The following IGFBP7 variants were observed in gnomAD, a reference collection of about 807,000 sequenced individuals.
The protein encoded by IGFBP7 is insulin-like growth factor-binding protein 7.
IGFBP7 carries 31 observed loss-of-function variants against 29.4 expected under a neutral mutation model. That is an observed-to-expected ratio of 1.05 (90% CI 0.79 to 1.42). The LOEUF (loss-of-function observed/expected upper bound fraction) is 1.42. IGFBP7 is among the 40% of genes most tolerant of loss of function. IGFBP7 has a pLI of 0.00. For missense variants in IGFBP7, 393 were observed against 395.5 expected (o/e 0.99, Z 0.05); for synonymous variants, 172 against 174.9 (o/e 0.98, Z 0.13).
At position 57,033,297 on chromosome 4, in the gene IGFBP7, G is replaced by GT; in HGVS notation, c.599dup (p.His200GlnfsTer13). ...GGAGTTCTGTCCTTTGAACTCCATA[G>GT]TGACCCCTTTTTACCTGCAAAAACA... is the stretch of plus-strand genomic sequence containing the variant. On this transcript the variant is annotated frameshift_variant, in exon 3 of 5. Coordinates refer to ENST00000295666, the MANE Select transcript of IGFBP7 (RefSeq NM_001553.3). LOFTEE classifies it high-confidence loss of function. The GT allele has an allele frequency of 6.2e-7, 1 of 1,613,286 alleles. No individual in the cohort carries two copies. The highest frequency in any genetic ancestry group is 8.5e-7 in the Non-Finnish European group (1 of 1,179,236).
chr4:57,083,965 C>T (rs546104698), intron 1 of IGFBP7, among the ~76,000 whole-genome samples: 29 of 152,118 alleles, frequency 1.9e-4, no homozygotes, highest in Non-Finnish European at 4.0e-4. Flanking sequence ...CAAACTGACC[C>T]TAAAGTTTGG....
rs1398104979 is a variant in IGFBP7, at chr4:57,032,488, T to C, written c.767A>G (p.Gln256Arg). The C allele has an allele frequency of 6.2e-7, 1 of 1,614,052 alleles. No homozygotes were observed. The highest frequency in any genetic ancestry group is 8.5e-7 in the Non-Finnish European group (1 of 1,179,884). ...YECHASNSQG[Q>R]ASASAKITVV... ...TGTAATTTTTGCTGATGCTGAAGCC[T>C]GTCCTTGGGAATTGGATGCATGGCA... is the stretch of plus-strand genomic sequence containing the variant. Residue 256 changes from glutamine (Q) to arginine (R), a missense_variant, in exon 4 of 5, where the codon CAG becomes CGG. By Grantham distance (43) the Gln-to-Arg change is conservative. Transcript: ENST00000295666.
chr4:57,078,189 G>A (rs896162364), intron 1 of IGFBP7, among the ~76,000 whole-genome samples: 1 of 152,036 alleles, frequency 6.6e-6, no homozygotes, highest in African/African-American at 2.4e-5. Flanking sequence ...TGCTCACTAT[G>A]GGCATTCATA....
chr4:57,080,965 G>A (rs565652688), intron 1 of IGFBP7, among the ~76,000 whole-genome samples: 1 of 152,276 alleles, frequency 6.6e-6, no homozygotes, highest in South Asian at 2.1e-4. Context: ...CTTGGCCCTG[G>A]CCAATGTTCT....
At chr4:57,057,812 C>A (rs1341208896) in intron 1 of IGFBP7, among the ~76,000 whole-genome samples, 1 of 152,192 alleles carries the variant, frequency 6.6e-6, no homozygotes, top group African/African-American at 2.4e-5. Context: ...TGCTTGTCAA[C>A]AAAGGGGAAG....
chr4:57,109,162 A>G (rs11133484), intron 1 of IGFBP7, among the ~76,000 whole-genome samples: 70,939 of 152,052 alleles, frequency 0.47, 18,023 homozygotes, highest in Non-Finnish European at 0.59. Flanking sequence ...AGGGCTGTGC[A>G]CGGTGGTTTA....
At chr4:57,043,192 G>A (rs773653500) in intron 1 of IGFBP7, among the ~76,000 whole-genome samples, 4 of 152,194 alleles carry the variant, frequency 2.6e-5, no homozygotes, top group East Asian at 3.9e-4. Flanking sequence ...ACTTGGGACC[G>A]TCCGCAGAGG....
intron 1 of IGFBP7, among the ~76,000 whole-genome samples, chr4:57,063,141 C>T (rs2109767464): frequency 6.6e-6 from 1 of 152,156 alleles, no homozygotes; most frequent in Non-Finnish European, 1.5e-5. Context: ...TTTCCCACCC[C>T]TCCGTAGCTT....
chr4:57,034,329 T>G (rs935765114), intron 2 of IGFBP7, among the ~76,000 whole-genome samples: 1 of 152,048 alleles, frequency 6.6e-6, no homozygotes, highest in East Asian at 1.9e-4. Flanking sequence ...ACAAATATTT[T>G]AAGCCTTGTG....
In IGFBP7 at chr4:57,031,238, G is replaced by A. The variant is rs1723911140; in HGVS notation, c.*79C>T. 2.5e-6 allele frequency: 3 copies of A among 1,203,838 alleles called. No homozygotes were observed. In the South Asian group the frequency reaches 3.8e-5, roughly 15 times the overall value. 74.6% of individuals were successfully genotyped at this position (1,203,838 alleles called of 1,614,324 possible). A position where few individuals can be genotyped will look rare whatever the true frequency, so the allele number is the denominator to read the frequency against. On this transcript the variant is annotated 3_prime_UTR_variant, in exon 5 of 5. Coordinates refer to ENST00000295666, the MANE Select transcript of IGFBP7 (RefSeq NM_001553.3). ...AAAGTGTTAGTGGATTGGATTAAAA[G>A]AAACTTATTAGGCAAGAACAGGTAA...
At chr4:57,102,966 C>G (rs1379876392) in intron 1 of IGFBP7, among the ~76,000 whole-genome samples, 1 of 152,118 alleles carries the variant, frequency 6.6e-6, no homozygotes, top group Non-Finnish European at 1.5e-5. Flanking sequence ...CTGAAAGGAG[C>G]AAGTGGTGGT....
At chr4:57,100,925 C>A (rs1032726833) in intron 1 of IGFBP7, among the ~76,000 whole-genome samples, 2 of 152,206 alleles carry the variant, frequency 1.3e-5, no homozygotes, top group African/African-American at 2.4e-5. Context: ...TTTGGGATAA[C>A]AATTCCCCTT....
At chr4:57,101,887 C>T (rs1725905926) in intron 1 of IGFBP7, among the ~76,000 whole-genome samples, 1 of 152,122 alleles carries the variant, frequency 6.6e-6, no homozygotes, top group African/African-American at 2.4e-5. Context: ...TTGAAATTAC[C>T]TTAAATAAGT....
At chr4:57,039,562 G>C (rs1724168564) in intron 2 of IGFBP7, among the ~76,000 whole-genome samples, 1 of 151,940 alleles carries the variant, frequency 6.6e-6, no homozygotes, top group Non-Finnish European at 1.5e-5. Flanking sequence ...ATAATTATCT[G>C]GCCCCAAATG....
intron 1 of IGFBP7, among the ~76,000 whole-genome samples, chr4:57,044,261 C>G (rs936284243): frequency 2.6e-5 from 4 of 152,224 alleles, no homozygotes; most frequent in Admixed American, 2.6e-4. Flanking sequence ...TTCTGGAGTG[C>G]TAATGGGCAA....
chr4:57,098,789 G>A (rs183916671), intron 1 of IGFBP7, among the ~76,000 whole-genome samples: 53 of 152,298 alleles, frequency 3.5e-4, no homozygotes, highest in Admixed American at 2.0e-4. Context: ...CTTCCTGAGG[G>A]GGGTCCTTTG....
At chr4:57,051,397 C>A (rs1255455340) in intron 1 of IGFBP7, among the ~76,000 whole-genome samples, 1 of 152,200 alleles carries the variant, frequency 6.6e-6, no homozygotes, top group Admixed American at 6.5e-5. Context: ...ACAGCTTAAG[C>A]AGCATAGGCC....
intron 1 of IGFBP7, among the ~76,000 whole-genome samples, chr4:57,055,576 A>C (rs993151999): frequency 2.4e-4 from 36 of 152,102 alleles, no homozygotes; most frequent in Admixed American, 2.4e-3. Context: ...TTCTGGGTGA[A>C]GGGTACAGAC....
chr4:57,075,923 A>G lies in IGFBP7; in HGVS notation c.475+33954T>C, dbSNP rs1725212107. Reference sequence around the variant, plus strand: ...ATAACTATATATGGGCCCTATGAACATCTCTTTATTTTCAGAACTTTCGAG... The same window carrying G: ...ATAACTATATATGGGCCCTATGAACGTCTCTTTATTTTCAGAACTTTCGAG... On this transcript the variant is annotated intron_variant, in intron 1 of 4. Coordinates refer to ENST00000295666, the MANE Select transcript of IGFBP7 (RefSeq NM_001553.3). Among the ~76,000 whole-genome samples, 4 of 152,134 alleles carry G rather than the reference A, an allele frequency of 2.6e-5. No homozygotes were observed. In the South Asian group the frequency reaches 8.3e-4, roughly 32 times the overall value.
Sources: allele counts gnomAD v4.1 joint callset (sites outside exome capture counted in the v4.1 genomes callset), GRCh38; gene constraint gnomAD v4.1.1; transcripts MANE v1.5; gene names NCBI Gene and HGNC (gene_info 2026-07-23, HGNC 2026-07-21).